ATP2B4: variants seen among roughly 807,000 people sequenced by gnomAD.
The protein encoded by ATP2B4 is plasma membrane calcium-transporting ATPase 4.
In ATP2B4, 39 loss-of-function variants were observed where a neutral mutation model predicts 110.3. The observed-to-expected ratio is 0.35, with a 90% CI of 0.27 to 0.46. The LOEUF is 0.46. Among genes scored for constraint, ATP2B4 ranks in the 20% least tolerant of loss-of-function variants. The pLI is 1.00. For missense variants in ATP2B4, 1,135 were observed against 1,530.9 expected, an observed-to-expected ratio of 0.74 and a Z score of 4.32; for synonymous variants, 538 against 571.7, an observed-to-expected ratio of 0.94 and a Z score of 0.84.
At chr1:203,667,543 CT>C (rs573370251) in intron 1 of ATP2B4, among the ~76,000 whole-genome samples, 1 of 152,140 alleles carries the variant, frequency 6.6e-6, no homozygotes, top group African/African-American at 2.4e-5. Flanking sequence ...CTTACACCAA[CT>C]TTTTTTTCTT....
At chr1:203,666,636 C>T (rs2102339003) in intron 1 of ATP2B4, among the ~76,000 whole-genome samples, 1 of 152,262 alleles carries the variant, frequency 6.6e-6, no homozygotes, top group South Asian at 2.1e-4. Flanking sequence ...CTGAATAGGG[C>T]CTTATAATCC....
At chr1:203,690,190 T>A (rs912339102) in intron 2 of ATP2B4, among the ~76,000 whole-genome samples, 3 of 152,190 alleles carry the variant, frequency 2.0e-5, no homozygotes, top group African/African-American at 7.2e-5. Context: ...TGTGTTCCCG[T>A]CACTGTGCCT....
intron 1 of ATP2B4, among the ~76,000 whole-genome samples, chr1:203,678,516 A>G (rs1285787899): frequency 6.7e-6 from 1 of 148,598 alleles, no homozygotes. Context: ...TGACCCTCCC[A>G]CCTCAGCCTC....
chr1:203,738,521 C>T (rs542330695), intron 20 of ATP2B4, among the ~76,000 whole-genome samples: 6 of 152,244 alleles, frequency 3.9e-5, no homozygotes, highest in East Asian at 3.9e-4. Flanking sequence ...CCAGTAAAAC[C>T]GCACGTGGTT....
At position 203,702,099 on chromosome 1, in the gene ATP2B4, A is replaced by AT; in HGVS notation, c.937+23dup. ...ACAAAGGTAACCTCTCCAACTACTC[A>AT]TTTACCATCTCTACCTGCCCACACT... On this transcript the variant is annotated intron_variant, in intron 7 of 20. Coordinates refer to ENST00000357681, the MANE Select transcript of ATP2B4 (RefSeq NM_001684.5). The AT allele has an allele frequency of 6.2e-7, 1 of 1,613,712 alleles. No individual in the cohort carries two copies.
In ATP2B4 at chr1:203,709,396, G is replaced by A; in HGVS notation, c.1653G>A (p.Gln551=). The A allele has an allele frequency of 1.9e-6, 3 of 1,614,216 alleles. No homozygotes were observed. Among genetic ancestry groups the A allele is most frequent in the Middle Eastern group, 1.6e-4 (1 of 6,062 alleles). Residue 551 remains glutamine (Q), a synonymous_variant, in exon 11 of 21, where the codon CAG becomes CAA. Transcript: ENST00000357681. The stretch of plus-strand genomic sequence containing the variant: ...TCACAGATCTGAAGCAGGATTATCA[G>A]GCTGTGCGTAATGAAGTGCCCGAGG... The part of the protein sequence containing the change: ...GFVTDLKQDY[Q]AVRNEVPEEK...
chr1:203,722,656 C>T lies in ATP2B4; in HGVS notation c.2991C>T (p.Phe997=), dbSNP rs1261335248. 6.2e-7 allele frequency: 1 copy of T among 1,614,232 alleles called. No homozygotes were observed. The highest frequency in any genetic ancestry group is 2.2e-5 in the East Asian group (1 of 44,884). ...CAGGCATCTACCGCAACATTATCTT[C>T]TGCTCTGTAGTCTTGGGCACATTCA... The part of the protein sequence containing the change: ...VFSGIYRNII[F]CSVVLGTFIC... Residue 997 remains phenylalanine (F), a synonymous_variant, in exon 18 of 21, where the codon TTC becomes TTT. Transcript: ENST00000357681.
At chr1:203,641,808 G>A (rs140824051) in intron 1 of ATP2B4, among the ~76,000 whole-genome samples, 211 of 152,262 alleles carry the variant, frequency 1.4e-3, no homozygotes, top group African/African-American at 4.3e-3. Flanking sequence ...ACAAAAAAAG[G>A]TTATTTACTC....
chr1:203,714,179 G>T lies in ATP2B4; in HGVS notation c.2308G>T (p.Asp770Tyr). The T allele has an allele frequency of 1.2e-6, 2 of 1,614,162 alleles. No individual in the cohort carries two copies. Among genetic ancestry groups the T allele is most frequent in the Non-Finnish European group, 1.7e-6 (2 of 1,180,014 alleles). The change falls in exon 15 of 21, where the codon GAC becomes TAC. Residue 770 changes from aspartate to tyrosine, a missense_variant. Physicochemically the swap from Asp to Tyr is radical, Grantham distance 160. This residue lies in a region of ATP2B4 where 368 missense variants were observed against 455.9 expected (regional missense o/e 0.81). Transcript: ENST00000357681. Reference protein sequence around the residue: ...DKHTLVKGIIDSTVGEHRQVV... With the variant: ...DKHTLVKGIIYSTVGEHRQVV... Reference sequence around the variant, plus strand: ...GTGTCTGTTTCTCCCAGGCATAATTGACAGCACTGTTGGGGAACACCGGCA... The same window carrying T: ...GTGTCTGTTTCTCCCAGGCATAATTTACAGCACTGTTGGGGAACACCGGCA...
At chr1:203,712,231 G>A (rs1666031458) in intron 13 of ATP2B4, 92 bp downstream of exon 13, 2 of 1,429,938 alleles carry the variant, frequency 1.4e-6, no homozygotes, top group East Asian at 2.3e-5. Flanking sequence ...GGGAAGGTGG[G>A]TGGTTTCTAA....
chr1:203,707,778 T>A, intron 9 of ATP2B4, 84 bp from the exon 10 acceptor site: 1 of 1,539,570 alleles, frequency 6.5e-7, no homozygotes. Flanking sequence ...TGTGGAGAGA[T>A]GTTGGCTAGG....
At chr1:203,642,844 C>T (rs1158949802) in intron 1 of ATP2B4, among the ~76,000 whole-genome samples, 1 of 152,200 alleles carries the variant, frequency 6.6e-6, no homozygotes, top group Non-Finnish European at 1.5e-5. Context: ...TCAATTTCCT[C>T]TGGAAAATAT....
intron 13 of ATP2B4, 32 bp downstream of exon 13, chr1:203,712,171 A>G: frequency 5.6e-6 from 9 of 1,604,964 alleles, no homozygotes; most frequent in Non-Finnish European, 7.7e-6. Context: ...CCAGGACCTC[A>G]CCTGACAAGG....
At chr1:203,689,144 T>G (rs1665292635) in intron 2 of ATP2B4, among the ~76,000 whole-genome samples, 1 of 152,214 alleles carries the variant, frequency 6.6e-6, no homozygotes, top group Non-Finnish European at 1.5e-5. Flanking sequence ...TTCTGTGTGG[T>G]TTCCTGTGGA....
Position 203,716,235 on chromosome 1 carries a change from A to G in ATP2B4, c.2406+1958A>G, listed in dbSNP as rs549003228. Among the ~76,000 whole-genome samples, 5 of 145,070 alleles carry G rather than the reference A, an allele frequency of 3.4e-5. 1 individual carries two copies. The East Asian group carries it at 1.0e-3, about 30-fold the overall frequency. ...AGTTGGATCATAAAAGAAAAAGACA[A>G]TGGCAGAATCTGGATAAATCTATTT... On this transcript the variant is annotated intron_variant, in intron 15 of 20. Transcript: ENST00000357681.
intron 1 of ATP2B4, among the ~76,000 whole-genome samples, chr1:203,661,010 C>T (rs1032538308): frequency 3.4e-5 from 5 of 148,468 alleles, no homozygotes; most frequent in South Asian, 2.2e-4. Flanking sequence ...TTTGGGAGGC[C>T]GAGGCAGGAG....
At chr1:203,672,324 CTTTTTTTTT>C (rs57144862) in intron 1 of ATP2B4, among the ~76,000 whole-genome samples, 2 of 79,624 alleles carry the variant, frequency 2.5e-5, no homozygotes, top group Non-Finnish European at 4.3e-5. Flanking sequence ...TGCGGTGGCT[CTTTTTTTTT>C]TTTTTTTTTT....
At chr1:203,713,697 C>G (rs1558047509) in intron 14 of ATP2B4, among the ~76,000 whole-genome samples, 2 of 151,966 alleles carry the variant, frequency 1.3e-5, no homozygotes, top group Non-Finnish European at 2.9e-5. Context: ...ACTCCTGACC[C>G]CAGGTGATCC....
intron 20 of ATP2B4, among the ~76,000 whole-genome samples, chr1:203,732,215 G>A (rs1666747431): frequency 6.6e-6 from 1 of 151,224 alleles, no homozygotes; most frequent in Non-Finnish European, 1.5e-5. Context: ...AATTGCCTCT[G>A]TCTCTGAGGA....
Sources: gnomAD v4.1 joint callset for allele counts (sites outside exome capture counted in the v4.1 genomes callset) on GRCh38, gnomAD v4.1.1 for gene constraint, gnomAD v4.1.1 regional missense constraint, MANE v1.5 for transcripts, NCBI Gene and HGNC (gene_info 2026-07-23, HGNC 2026-07-21) for gene names.